GRID2: variants seen among roughly 807,000 people sequenced by gnomAD.
GRID2 encodes glutamate receptor ionotropic, delta-2.
A neutral mutation model predicts 114.8 loss-of-function variants in GRID2; 33 were observed. The observed-to-expected ratio is 0.29, with a 90% CI of 0.22 to 0.38. The LOEUF (loss-of-function observed/expected upper bound fraction) is 0.38. Ranked by LOEUF, GRID2 falls within the 10% of genes least tolerant of loss-of-function variation. The pLI is 1.00. For synonymous variants in GRID2, 505 were observed against 449.9 expected, an observed-to-expected ratio of 1.12 and a Z score of -1.55; for missense variants, 1,184 against 1,257.7, an observed-to-expected ratio of 0.94 and a Z score of 0.89.
At chr4:93,652,841 G>A (rs1429141306) in intron 14 of GRID2, among the ~76,000 whole-genome samples, 1 of 143,640 alleles carries the variant, frequency 7.0e-6, no homozygotes, top group Admixed American at 7.1e-5. Context: ...ACACCACTTC[G>A]AATGGAGTAT....
At chr4:93,722,488 A>T (rs10030034) in intron 14 of GRID2, among the ~76,000 whole-genome samples, 66,342 of 152,040 alleles carry the variant, frequency 0.44, 14,940 homozygotes, top group East Asian at 0.74. Context: ...TCAAACACAT[A>T]TCTAGAATCA....
intron 14 of GRID2, among the ~76,000 whole-genome samples, chr4:93,713,241 C>A (rs1293777312): frequency 6.6e-6 from 1 of 152,190 alleles, no homozygotes; most frequent in East Asian, 1.9e-4. Context: ...GTTCATTTTA[C>A]AACCAGTTGC....
intron 2 of GRID2, among the ~76,000 whole-genome samples, chr4:93,016,048 G>A (rs1039718057): frequency 7.6e-6 from 1 of 131,538 alleles, no homozygotes; most frequent in Non-Finnish European, 1.6e-5. Flanking sequence ...TGGGGAGGGG[G>A]AAGTGTGTGT....
chr4:92,652,739 G>A (rs1053025823), intron 2 of GRID2, among the ~76,000 whole-genome samples: 1 of 142,946 alleles, frequency 7.0e-6, no homozygotes, highest in Non-Finnish European at 1.5e-5. Context: ...GGGAGGCTGG[G>A]GGGGTTGGGG....
chr4:93,380,884 CT>C (rs1763788537), intron 8 of GRID2, among the ~76,000 whole-genome samples: 1 of 152,038 alleles, frequency 6.6e-6, no homozygotes, highest in Non-Finnish European at 1.5e-5. Context: ...TAGCTTACCT[CT>C]GTTCTACATG....
intron 1 of GRID2, among the ~76,000 whole-genome samples, chr4:92,333,348 G>T (rs571641737): frequency 5.6e-4 from 86 of 152,302 alleles, no homozygotes; most frequent in Admixed American, 1.8e-3. Context: ...CTGGCCATGG[G>T]CAGTGAATGC....
intron 2 of GRID2, among the ~76,000 whole-genome samples, chr4:92,604,964 T>C (rs552786535): frequency 6.6e-6 from 1 of 152,162 alleles, no homozygotes; most frequent in African/African-American, 2.4e-5. Context: ...GTTCTCCTGA[T>C]AGTGAGTTCT....
rs570494965 is a variant in GRID2, at chr4:93,386,234, A to G, written c.1246-9373A>G. 6.6e-5 allele frequency among the ~76,000 whole-genome samples: 10 copies of G among 152,282 alleles called. No homozygotes were observed. In the South Asian group the frequency reaches 2.1e-3, roughly 32 times the overall value. On this transcript the variant is annotated intron_variant, in intron 8 of 15. Transcript: ENST00000282020. ...CACTGCCTGTGTTCAAATCCTAGCTATGTCATTTGTTAGCTGAGTAGCCTG... is the reference window on the plus strand; with the variant it reads ...CACTGCCTGTGTTCAAATCCTAGCTGTGTCATTTGTTAGCTGAGTAGCCTG...
intron 13 of GRID2, among the ~76,000 whole-genome samples, chr4:93,533,272 TCC>T (rs1731657498): frequency 7.9e-6 from 1 of 126,490 alleles, no homozygotes; most frequent in Non-Finnish European, 1.6e-5. Flanking sequence ...CTTCCTTCCT[TCC>T]TTCCTTCCTT....
chr4:92,893,015 A>T (rs117553317), intron 2 of GRID2, among the ~76,000 whole-genome samples: 23 of 152,216 alleles, frequency 1.5e-4, no homozygotes, highest in Non-Finnish European at 2.9e-4. Context: ...TGAAAAGACA[A>T]TATTAATCAA....
At chr4:93,478,870 T>C (rs1725582436) in intron 11 of GRID2, among the ~76,000 whole-genome samples, 1 of 152,112 alleles carries the variant, frequency 6.6e-6, no homozygotes, top group Non-Finnish European at 1.5e-5. Flanking sequence ...TTCAATTACA[T>C]GATCTAATGT....
chr4:92,457,316 A>G (rs1721263735), intron 1 of GRID2, among the ~76,000 whole-genome samples: 1 of 152,046 alleles, frequency 6.6e-6, no homozygotes, highest in Admixed American at 6.6e-5. Flanking sequence ...AGCACTTTTC[A>G]CATTTTCCAT....
intron 14 of GRID2, among the ~76,000 whole-genome samples, chr4:93,738,443 G>T (rs1731106010): frequency 6.6e-6 from 1 of 152,130 alleles, no homozygotes; most frequent in South Asian, 2.1e-4. Context: ...GATTATCCAG[G>T]CTGGAACTGA....
chr4:92,427,727 A>G (rs1732228567), intron 1 of GRID2, among the ~76,000 whole-genome samples: 1 of 152,296 alleles, frequency 6.6e-6, no homozygotes, highest in African/African-American at 2.4e-5. Flanking sequence ...CAGTTGGTTA[A>G]GTTTAATTAA....
intron 9 of GRID2, among the ~76,000 whole-genome samples, chr4:93,408,089 T>A (rs1027221321): frequency 6.6e-6 from 1 of 151,996 alleles, no homozygotes; most frequent in Non-Finnish European, 1.5e-5. Context: ...TGAGGCCGAG[T>A]AGTCTGAAGT....
intron 1 of GRID2, among the ~76,000 whole-genome samples, chr4:93,795,204 A>T (rs1016839652): frequency 6.6e-6 from 1 of 152,140 alleles, no homozygotes; most frequent in Admixed American, 6.5e-5. Context: ...CATTATTACT[A>T]TAGTATATAG....
intron 2 of GRID2, among the ~76,000 whole-genome samples, chr4:92,602,409 C>G (rs1729259532): frequency 6.6e-6 from 1 of 151,986 alleles, no homozygotes; most frequent in Admixed American, 6.6e-5. Context: ...ATACACAAAT[C>G]AATAAACATA....
rs544429389 is a variant in GRID2 at position 93,466,555 on chromosome 4, A to G, written c.1858+10581A>G. On this transcript the variant is annotated intron_variant, in intron 11 of 15. Transcript: ENST00000282020. ...CAGTTTATGCAGAAATTTCTAGGGAAGGGGTAGTAACTTTTGGATCATTGG... is the reference window on the plus strand; with the variant it reads ...CAGTTTATGCAGAAATTTCTAGGGAGGGGGTAGTAACTTTTGGATCATTGG... Among the ~76,000 whole-genome samples the G allele has an allele frequency of 2.0e-5, 3 of 152,270 alleles. No homozygotes were observed. The South Asian group carries it at 6.2e-4, about 32-fold the overall frequency.
At chr4:92,859,622 A>G (rs1744398550) in intron 2 of GRID2, among the ~76,000 whole-genome samples, 1 of 152,224 alleles carries the variant, frequency 6.6e-6, no homozygotes, top group African/African-American at 2.4e-5. Context: ...TTCACCTTGT[A>G]AAAATTCAAA....
Sources: allele counts gnomAD v4.1 joint callset (sites outside exome capture counted in the v4.1 genomes callset), GRCh38; gene constraint gnomAD v4.1.1; transcripts MANE v1.5; gene names NCBI Gene and HGNC (gene_info 2026-07-23, HGNC 2026-07-21).